Variants in DNAH6 observed in about 807,000 individuals in gnomAD.
The protein encoded by DNAH6 is dynein axonemal heavy chain 6.
In DNAH6, 340 loss-of-function variants were observed where a neutral mutation model predicts 491.4. The observed-to-expected ratio is 0.69, with a 90% CI of 0.63 to 0.76. The LOEUF (loss-of-function observed/expected upper bound fraction) is 0.76. Ranked by LOEUF, DNAH6 falls within the 30% of genes least tolerant of loss-of-function variation. DNAH6 has a pLI of 0.00. For synonymous variants in DNAH6, 1,603 were observed against 1,686.1 expected, an observed-to-expected ratio of 0.95 and a Z score of 1.21; for missense variants, 4,443 against 4,972.2, an observed-to-expected ratio of 0.89 and a Z score of 3.20.
At chr2:84,791,332 G>C (rs1023130073) in intron 68 of DNAH6, among the ~76,000 whole-genome samples, 1 of 151,594 alleles carries the variant, frequency 6.6e-6, no homozygotes, top group African/African-American at 2.4e-5. Context: ...TCCATAAATA[G>C]AATATTATTC....
At chr2:84,720,357 C>T (rs894177724) in intron 59 of DNAH6, among the ~76,000 whole-genome samples, 7 of 130,258 alleles carry the variant, frequency 5.4e-5, no homozygotes, top group Admixed American at 1.8e-4. Flanking sequence ...CGGCTCACTG[C>T]AAGCTCCGCC....
At chr2:84,536,911 G>GT (rs1316362521) in intron 4 of DNAH6, among the ~76,000 whole-genome samples, 1 of 151,908 alleles carries the variant, frequency 6.6e-6, no homozygotes, top group East Asian at 1.9e-4. Context: ...GGATAATTAT[G>GT]TCCCAAATTA....
chr2:84,726,948 C>G (rs1698694735), intron 60 of DNAH6, among the ~76,000 whole-genome samples: 1 of 152,118 alleles, frequency 6.6e-6, no homozygotes, highest in Non-Finnish European at 1.5e-5. Context: ...ATTCTCCTTT[C>G]AAAATTTCCA....
chr2:84,644,720 C>A (rs748248978), intron 33 of DNAH6, among the ~76,000 whole-genome samples: 4 of 152,138 alleles, frequency 2.6e-5, no homozygotes, highest in Non-Finnish European at 5.9e-5. Context: ...CATTAGTTTG[C>A]TAAGGATAAT....
intron 32 of DNAH6, 149 bp from the exon 33 acceptor site, chr2:84,641,798 G>A (rs554021444): frequency 1.9e-4 from 117 of 619,006 alleles, no homozygotes; most frequent in Non-Finnish European, 3.0e-4. Flanking sequence ...TGCTCTGATG[G>A]AGATGAACGC....
chr2:84,675,203 C>T (rs1693116292), intron 40 of DNAH6, among the ~76,000 whole-genome samples: 1 of 152,200 alleles, frequency 6.6e-6, no homozygotes. Flanking sequence ...TGAATCAGAG[C>T]TGTTGATGTG....
At chr2:84,636,158 G>C (rs1407345335) in intron 30 of DNAH6, among the ~76,000 whole-genome samples, 3 of 152,144 alleles carry the variant, frequency 2.0e-5, no homozygotes, top group Admixed American at 2.0e-4. Flanking sequence ...CTATCACTCT[G>C]CTTCCCCCCA....
At position 84,697,681 on chromosome 2, in the gene DNAH6, G is replaced by A. The variant is rs1469308771; in HGVS notation, c.7631G>A (p.Arg2544Lys). 3 of 1,551,910 alleles carry A rather than the reference G, an allele frequency of 1.9e-6. No individual in the cohort carries two copies. Among genetic ancestry groups the A allele is most frequent in the East Asian group, 4.9e-5 (2 of 40,918 alleles). The stretch of plus-strand genomic sequence containing the variant: ...CTGGAGCAGGTTTTAGCGGCCACCA[G>A]ACCAAGAGCAAAAGAAGTAGGAATT... The part of the protein sequence containing the change: ...DELEQVLAAT[R>K]PRAKEVGISE... The change falls in exon 47 of 77, where the codon AGA (arginine) becomes AAA (lysine). Residue 2544 changes from arginine (R) to lysine (K), a missense_variant. Arg to Lys is a conservative substitution (Grantham distance 26). Around this residue, in one of 3 missense-constraint regions of DNAH6, gnomAD observed 2,977 missense variants for 3,296.6 expected, o/e 0.90. Coordinates refer to ENST00000389394, the MANE Select transcript of DNAH6 (RefSeq NM_001370.2).
chr2:84,762,317 A>G (rs910102665), intron 63 of DNAH6, among the ~76,000 whole-genome samples: 3 of 152,188 alleles, frequency 2.0e-5, no homozygotes, highest in African/African-American at 7.2e-5. Flanking sequence ...TCAAGGGAAG[A>G]TCTCTGTTTT....
intron 11 of DNAH6, among the ~76,000 whole-genome samples, chr2:84,561,762 A>T (rs1034796828): frequency 3.3e-5 from 5 of 152,216 alleles, no homozygotes; most frequent in Non-Finnish European, 7.3e-5. Flanking sequence ...AAAAGAAGAC[A>T]TTTATGCAGC....
At position 84,686,558 on chromosome 2, in the gene DNAH6, G is replaced by T. The variant is rs1385379533; in HGVS notation, c.7137+1G>T. The T allele has an allele frequency of 6.7e-7, 1 of 1,483,280 alleles. No homozygotes were observed. The highest frequency in any genetic ancestry group is 1.4e-5 in the African/African-American group (1 of 71,406). The allele number at this position is 1,483,280 out of a possible 1,614,324, so 91.9% of individuals were successfully genotyped here. On this transcript the variant is annotated splice_donor_variant, in intron 44 of 76. Coordinates refer to ENST00000389394, the MANE Select transcript of DNAH6 (RefSeq NM_001370.2). LOFTEE classifies it high-confidence loss of function. ...CATCATATTTGGAGATTTCATTAAGGCAAGTATGTTAGATTGACTTGACCT... is the reference window on the plus strand; with the variant it reads ...CATCATATTTGGAGATTTCATTAAGTCAAGTATGTTAGATTGACTTGACCT...
intron 33 of DNAH6, among the ~76,000 whole-genome samples, chr2:84,643,416 A>G (rs1689607268): frequency 6.6e-6 from 1 of 152,112 alleles, no homozygotes; most frequent in East Asian, 1.9e-4. Context: ...GGTGTGTGAC[A>G]TTAATTTGGG....
chr2:84,555,308 C>G (rs1156453858), intron 10 of DNAH6, among the ~76,000 whole-genome samples: 1 of 152,166 alleles, frequency 6.6e-6, no homozygotes, highest in African/African-American at 2.4e-5. Context: ...AGACAAACCT[C>G]CATTGCATTT....
At chr2:84,641,296 G>A (rs554856748) in intron 32 of DNAH6, among the ~76,000 whole-genome samples, 18 of 152,236 alleles carry the variant, frequency 1.2e-4, no homozygotes, top group South Asian at 6.2e-4. Flanking sequence ...GGCTCTGCAT[G>A]AATCTCCCTG....
intron 10 of DNAH6, among the ~76,000 whole-genome samples, chr2:84,553,867 G>A (rs935857878): frequency 1.2e-4 from 18 of 152,132 alleles, no homozygotes; most frequent in African/African-American, 4.3e-4. Flanking sequence ...TTACCACAAA[G>A]TTAGCAGTTG....
At chr2:84,640,797 C>A (rs80051163) in intron 32 of DNAH6, among the ~76,000 whole-genome samples, 1 of 152,116 alleles carries the variant, frequency 6.6e-6, no homozygotes, top group Non-Finnish European at 1.5e-5. Flanking sequence ...TGGTTGTCCT[C>A]GACAGAAAAT....
chr2:84,644,938 T>C (rs771805468), intron 33 of DNAH6, among the ~76,000 whole-genome samples: 1 of 152,176 alleles, frequency 6.6e-6, no homozygotes, highest in South Asian at 2.1e-4. Context: ...ATGACTTGTA[T>C]TTCTTTAAGT....
intron 59 of DNAH6, among the ~76,000 whole-genome samples, chr2:84,721,039 G>A (rs766290152): frequency 7.2e-5 from 11 of 152,056 alleles, no homozygotes; most frequent in South Asian, 2.1e-4. Flanking sequence ...CTCTAAACGC[G>A]GCTGAAACCT....
At chr2:84,740,518 G>C (rs961157954) in intron 62 of DNAH6, among the ~76,000 whole-genome samples, 1 of 152,184 alleles carries the variant, frequency 6.6e-6, no homozygotes, top group Non-Finnish European at 1.5e-5. Flanking sequence ...GGCTTTGGTG[G>C]TACCACCTTC....
Sources: gnomAD v4.1 joint callset for allele counts (sites outside exome capture counted in the v4.1 genomes callset) on GRCh38, gnomAD v4.1.1 for gene constraint, gnomAD v4.1.1 regional missense constraint, MANE v1.5 for transcripts, NCBI Gene and HGNC (gene_info 2026-07-23, HGNC 2026-07-21) for gene names.